Variants in SLC9C2 observed in about 807,000 individuals in gnomAD.
SLC9C2 encodes the protein solute carrier family 9 member C2 (putative), also known as sodium/hydrogen exchanger 11.
Under a neutral mutation model 140.2 loss-of-function variants are expected in SLC9C2, and 75 were observed. The observed-to-expected ratio is 0.53, with a 90% CI of 0.44 to 0.65. SLC9C2 has a LOEUF of 0.65. Among genes scored for constraint, SLC9C2 ranks in the 30% least tolerant of loss-of-function variants. The pLI, the probability that SLC9C2 is intolerant of heterozygous loss-of-function variation, is 0.00. For missense variants in SLC9C2, 1,074 were observed against 1,331.8 expected, an observed-to-expected ratio of 0.81 and a Z score of 3.01; for synonymous variants, 375 against 420.9, an observed-to-expected ratio of 0.89 and a Z score of 1.34.
chr1:173,555,769 T>G (rs1663642713), intron 10 of SLC9C2, among the ~76,000 whole-genome samples: 1 of 152,164 alleles, frequency 6.6e-6, no homozygotes, highest in African/African-American at 2.4e-5. Context: ...CCCACAGATA[T>G]AAATCCTCAG....
chr1:173,539,199 T>C (rs1469679221), intron 13 of SLC9C2, among the ~76,000 whole-genome samples: 7 of 152,178 alleles, frequency 4.6e-5, no homozygotes, highest in Non-Finnish European at 8.8e-5. Flanking sequence ...ATGGAAAATG[T>C]AGGCACTGAG....
At chr1:173,600,385 G>C (rs993045030) in intron 2 of SLC9C2, among the ~76,000 whole-genome samples, 168 bp from the exon 3 acceptor site, 1 of 151,446 alleles carries the variant, frequency 6.6e-6, no homozygotes, top group Non-Finnish European at 1.5e-5. Flanking sequence ...ACATTTGGTA[G>C]AAACTGTACT....
At chr1:173,593,574 A>G (rs764392014) in intron 4 of SLC9C2, among the ~76,000 whole-genome samples, 5 of 152,200 alleles carry the variant, frequency 3.3e-5, no homozygotes, top group Non-Finnish European at 5.9e-5. Flanking sequence ...TAAAAGGCAC[A>G]GAGTGACAAG....
At chr1:173,598,171 T>A in intron 3 of SLC9C2, 139 bp from the exon 4 acceptor site, 2 of 864,484 alleles carry the variant, frequency 2.3e-6, no homozygotes, top group Non-Finnish European at 3.4e-6. Context: ...AGGGCAGTCC[T>A]AAGGGTCCTG....
intron 23 of SLC9C2, among the ~76,000 whole-genome samples, chr1:173,517,103 T>G (rs1156671314): frequency 1.3e-5 from 2 of 152,272 alleles, no homozygotes; most frequent in African/African-American, 2.4e-5. Context: ...ATTGGCCACA[T>G]GTATGTCTTC....
chr1:173,506,520 C>G (rs1235373062), intron 25 of SLC9C2, among the ~76,000 whole-genome samples: 1 of 152,256 alleles, frequency 6.6e-6, no homozygotes, highest in Non-Finnish European at 1.5e-5. Flanking sequence ...ACTTCCAGAG[C>G]TATGCTAGAA....
intron 13 of SLC9C2, among the ~76,000 whole-genome samples, chr1:173,541,357 A>G (rs936395443): frequency 6.6e-6 from 1 of 152,192 alleles, no homozygotes; most frequent in African/African-American, 2.4e-5. Flanking sequence ...AGATTCATAA[A>G]GCAAGTCCTT....
Position 173,548,571 on chromosome 1 carries a change from C to G in SLC9C2, c.1298-19G>C. The G allele has an allele frequency of 6.2e-7, 1 of 1,612,830 alleles. No homozygotes were observed. Among genetic ancestry groups the G allele is most frequent in the African/African-American group, 1.3e-5 (1 of 74,940 alleles). The stretch of plus-strand genomic sequence containing the variant: ...CACAAATCTGTGACAAAGACAAAAG[C>G]AAAGGCCTTAATAGAGTACAGTGAG... On this transcript the variant is annotated intron_variant, in intron 11 of 27. Transcript: ENST00000367714.
At chr1:173,511,290 A>G (rs1042536546) in intron 23 of SLC9C2, among the ~76,000 whole-genome samples, 3 of 151,886 alleles carry the variant, frequency 2.0e-5, no homozygotes, top group Non-Finnish European at 2.9e-5. Flanking sequence ...TCAGCCTCCC[A>G]AAGTGCTGGG....
chr1:173,546,179 G>C (rs1429381454), intron 13 of SLC9C2, among the ~76,000 whole-genome samples: 1 of 152,172 alleles, frequency 6.6e-6, no homozygotes, highest in Non-Finnish European at 1.5e-5. Flanking sequence ...CAAACTCTGA[G>C]AATATGTTAA....
intron 13 of SLC9C2, among the ~76,000 whole-genome samples, chr1:173,541,046 AAGACAC>A (rs1400029782): frequency 6.6e-6 from 1 of 152,232 alleles, no homozygotes; most frequent in Admixed American, 6.5e-5. Flanking sequence ...CCCCAATTAA[AAGACAC>A]AGACTGGCAA....
intron 23 of SLC9C2, among the ~76,000 whole-genome samples, chr1:173,510,845 T>A (rs1659993733): frequency 6.6e-6 from 1 of 152,068 alleles, no homozygotes; most frequent in Non-Finnish European, 1.5e-5. Context: ...CTTTGGGTAT[T>A]TACCCAGTAA....
At chr1:173,525,015 C>G (rs1661098977) in intron 19 of SLC9C2, 88 bp from the exon 20 acceptor site, 1 of 1,329,610 alleles carries the variant, frequency 7.5e-7, no homozygotes, top group Non-Finnish European at 1.0e-6. Flanking sequence ...ATTTCCAAAG[C>G]ATTTACACAA....
chr1:173,512,000 C>T (rs1660088838), intron 23 of SLC9C2, among the ~76,000 whole-genome samples: 1 of 152,062 alleles, frequency 6.6e-6, no homozygotes, highest in Admixed American at 6.6e-5. Flanking sequence ...TGTTCTGTTC[C>T]ATTGGTCCAT....
In SLC9C2 at chr1:173,503,282, C is replaced by T; in HGVS notation, c.3355G>A (p.Gly1119Arg). ...VFEQPGKNIN[G>R]RQKMS ...GTTTATTACCTCATCTTTTGTCTTC[C>T]ATTTATATTCTTTCCTGGTTGTTCA... Residue 1119 changes from glycine to arginine, a missense_variant, in exon 27 of 28, where the codon GGA becomes AGA. Coordinates refer to ENST00000367714, the MANE Select transcript of SLC9C2 (RefSeq NM_178527.4). 6.2e-7 allele frequency: 1 copy of T among 1,613,484 alleles called. No homozygotes were observed. The highest frequency in any genetic ancestry group is 8.5e-7 in the Non-Finnish European group (1 of 1,179,678).
At chr1:173,585,203 C>A (rs2102229806) in intron 5 of SLC9C2, among the ~76,000 whole-genome samples, 1 of 152,126 alleles carries the variant, frequency 6.6e-6, no homozygotes, top group Middle Eastern at 3.4e-3. Context: ...AGACAATTTC[C>A]TTTTAACTTA....
At chr1:173,569,311 T>G (rs541267864) in intron 9 of SLC9C2, among the ~76,000 whole-genome samples, 23 of 151,980 alleles carry the variant, frequency 1.5e-4, no homozygotes, top group Non-Finnish European at 3.1e-4. Flanking sequence ...TTGCATTTTT[T>G]ATTCTAGAAT....
intron 9 of SLC9C2, 54 bp downstream of exon 9, chr1:173,573,128 T>A: frequency 3.1e-6 from 4 of 1,306,406 alleles, no homozygotes; most frequent in Non-Finnish European, 4.2e-6. Context: ...CTAATTCTAA[T>A]TCTGGCCTTG....
intron 23 of SLC9C2, among the ~76,000 whole-genome samples, chr1:173,512,549 T>C (rs1358888983): frequency 6.6e-6 from 1 of 152,242 alleles, no homozygotes; most frequent in Non-Finnish European, 1.5e-5. Context: ...AAGGAGTTTG[T>C]GGACTGAGAC....
Sources: gnomAD v4.1 joint callset for allele counts (sites outside exome capture counted in the v4.1 genomes callset) on GRCh38, gnomAD v4.1.1 for gene constraint, MANE v1.5 for transcripts, NCBI Gene and HGNC (gene_info 2026-07-23, HGNC 2026-07-21) for gene names.